Variants in SRGN observed in about 807,000 individuals in gnomAD.
The protein encoded by SRGN is serglycin.
In SRGN, 2 loss-of-function variants were observed where a neutral mutation model predicts 9.5. The ratio of observed to expected loss-of-function variants is 0.21; its 90% confidence interval spans 0.09 to 0.66. The LOEUF (loss-of-function observed/expected upper bound fraction) is 0.66. SRGN is among the 30% of genes least tolerant of loss of function. The probability of loss-of-function intolerance (pLI) is 0.83; values close to 1 mark genes in which losing one functional copy is unlikely to be tolerated. For synonymous variants in SRGN, 59 were observed against 72.3 expected (o/e 0.82, Z 0.93); for missense variants, 170 against 192.4 (o/e 0.88, Z 0.69).
intron 2 of SRGN, among the ~76,000 whole-genome samples, chr10:69,101,334 C>G (rs1218757454): frequency 6.6e-6 from 1 of 152,170 alleles, no homozygotes; most frequent in African/African-American, 2.4e-5. Context: ...CTTCACTTCT[C>G]CTCCATCACC....
chr10:69,103,776 G>A, intron 2 of SRGN, 95 bp from the exon 3 acceptor site: 1 of 1,335,696 alleles, frequency 7.5e-7, no homozygotes, highest in Non-Finnish European at 1.0e-6. Flanking sequence ...CTAGATGGCT[G>A]TATTTATCTC....
chr10:69,104,276 C>T lies in SRGN; in HGVS notation c.*156C>T. The T allele has an allele frequency of 9.7e-7, 1 of 1,029,230 alleles. No homozygotes were observed. The highest frequency in any genetic ancestry group is 1.4e-6 in the Non-Finnish European group (1 of 729,518). 63.8% of individuals were successfully genotyped at this position (1,029,230 alleles called of 1,614,324 possible). A position where few individuals can be genotyped will look rare whatever the true frequency, so the allele number is the denominator to read the frequency against. On this transcript the variant is annotated 3_prime_UTR_variant, in exon 3 of 3. Coordinates refer to ENST00000242465, the MANE Select transcript of SRGN (RefSeq NM_002727.4). ...ATCATCCTTTTTTTTCTCATGAATT[C>T]TTAAAGGATTATGCTTTAATGCTGT...
intron 2 of SRGN, among the ~76,000 whole-genome samples, chr10:69,099,948 G>A (rs891491401): frequency 3.3e-5 from 5 of 152,112 alleles, no homozygotes; most frequent in African/African-American, 4.8e-5. Context: ...TTAGTGGCCC[G>A]GCGCTGTGCC....
chr10:69,097,809 C>T (rs1840209911), intron 2 of SRGN, among the ~76,000 whole-genome samples: 1 of 152,176 alleles, frequency 6.6e-6, no homozygotes, highest in Admixed American at 6.6e-5. Flanking sequence ...GGTGATCCAC[C>T]CACCTTGGCC....
chr10:69,093,589 G>A (rs1840110937), intron 1 of SRGN, among the ~76,000 whole-genome samples: 1 of 152,160 alleles, frequency 6.6e-6, no homozygotes, highest in South Asian at 2.1e-4. Flanking sequence ...GAGAAAGAGT[G>A]AAACCAGGCC....
At chr10:69,089,753 G>A (rs539417321) in intron 1 of SRGN, among the ~76,000 whole-genome samples, 70 of 152,050 alleles carry the variant, frequency 4.6e-4, no homozygotes, top group Non-Finnish European at 5.6e-4. Context: ...AAAATTAGCC[G>A]GGCATGGTGG....
chr10:69,095,498 A>G (rs1174753887), intron 1 of SRGN, among the ~76,000 whole-genome samples: 1 of 152,114 alleles, frequency 6.6e-6, no homozygotes, highest in Non-Finnish European at 1.5e-5. Flanking sequence ...AGAATAAAGT[A>G]TATGCTTGGA....
upstream of SRGN, among the ~76,000 whole-genome samples, chr10:69,087,675 G>A (rs967667763): frequency 3.3e-5 from 5 of 151,830 alleles, no homozygotes; most frequent in African/African-American, 7.3e-5. Flanking sequence ...GTTACTCCCC[G>A]GTGAAAAAGA....
At chr10:69,102,203 C>T (rs1440611572) in intron 2 of SRGN, among the ~76,000 whole-genome samples, 1 of 151,984 alleles carries the variant, frequency 6.6e-6, no homozygotes, top group Non-Finnish European at 1.5e-5. Flanking sequence ...CTGGCCTGGG[C>T]CCCCTTCTCT....
intron 1 of SRGN, among the ~76,000 whole-genome samples, chr10:69,089,348 G>T (rs1218194179): frequency 6.6e-6 from 1 of 152,038 alleles, no homozygotes; most frequent in Non-Finnish European, 1.5e-5. Context: ...AGGCTTCACT[G>T]GGATCTTTTA....
At chr10:69,100,539 TC>T (rs1343341780) in intron 2 of SRGN, among the ~76,000 whole-genome samples, 1 of 152,204 alleles carries the variant, frequency 6.6e-6, no homozygotes, top group Non-Finnish European at 1.5e-5. Flanking sequence ...CTATTTTCCT[TC>T]CCCAAAGCCA....
intron 1 of SRGN, among the ~76,000 whole-genome samples, chr10:69,088,882 T>C (rs1357476242): frequency 1.3e-5 from 2 of 152,252 alleles, no homozygotes; most frequent in East Asian, 3.8e-4. Flanking sequence ...TAGGTTTATC[T>C]ACCATTTAGT....
At chr10:69,099,443 G>A (rs1171038486) in intron 2 of SRGN, among the ~76,000 whole-genome samples, 1 of 151,804 alleles carries the variant, frequency 6.6e-6, no homozygotes, top group African/African-American at 2.4e-5. Flanking sequence ...GGGACCACAG[G>A]CACACAGCAC....
chr10:69,101,323 G>A (rs1840286400), intron 2 of SRGN, among the ~76,000 whole-genome samples: 1 of 152,120 alleles, frequency 6.6e-6, no homozygotes, highest in South Asian at 2.1e-4. Flanking sequence ...CCCCCATTTA[G>A]CTTCACTTCT....
At chr10:69,096,105 T>C (rs1564660333) in intron 1 of SRGN, among the ~76,000 whole-genome samples, 1 of 152,136 alleles carries the variant, frequency 6.6e-6, no homozygotes, top group East Asian at 1.9e-4. Context: ...CAAATTGTTA[T>C]CTACTTTTCA....
intron 1 of SRGN, among the ~76,000 whole-genome samples, chr10:69,095,347 G>A (rs903066379): frequency 6.6e-6 from 1 of 150,626 alleles, no homozygotes; most frequent in African/African-American, 2.4e-5. Context: ...CATTTGGTTA[G>A]TATTCTCTTA....
chr10:69,095,689 T>C (rs1286236995), intron 1 of SRGN, among the ~76,000 whole-genome samples: 1 of 152,068 alleles, frequency 6.6e-6, no homozygotes, highest in African/African-American at 2.4e-5. Context: ...GGTGGGTGGA[T>C]TGCCTGAGCT....
upstream of SRGN, chr10:69,088,091 G>GAGC: frequency 7.3e-7 from 1 of 1,366,902 alleles, no homozygotes; most frequent in Non-Finnish European, 1.0e-6. Flanking sequence ...AAGGGACAGA[G>GAGC]AGCACCCTGC....
At chr10:69,091,955 T>G in intron 1 of SRGN, among the ~76,000 whole-genome samples, 1 of 148,348 alleles carries the variant, frequency 6.7e-6, no homozygotes, top group Non-Finnish European at 1.5e-5. Flanking sequence ...ATATTGTGAT[T>G]ATGTTGAGGG....
Sources: gnomAD v4.1 joint callset for allele counts (sites outside exome capture counted in the v4.1 genomes callset) on GRCh38, gnomAD v4.1.1 for gene constraint, MANE v1.5 for transcripts, NCBI Gene and HGNC (gene_info 2026-07-23, HGNC 2026-07-21) for gene names.